Variants in QRFPR observed in about 807,000 individuals in gnomAD.
The protein encoded by QRFPR is pyroglutamylated RF-amide peptide receptor.
In QRFPR, 37 loss-of-function variants were observed where a neutral mutation model predicts 31.3. That is an observed-to-expected ratio of 1.18 (90% CI 0.91 to 1.56). QRFPR has a LOEUF of 1.56. Among genes scored for constraint, QRFPR ranks in the 40% most tolerant of loss-of-function variants. The pLI, the probability that QRFPR is intolerant of heterozygous loss-of-function variation, is 0.00. For missense variants in QRFPR, 542 were observed against 532.5 expected (o/e 1.02, Z -0.18); for synonymous variants, 197 against 192.0 (o/e 1.03, Z -0.22).
intron 1 of QRFPR, among the ~76,000 whole-genome samples, chr4:121,377,284 G>A (rs1345129400): frequency 1.3e-5 from 2 of 152,180 alleles, no homozygotes; most frequent in African/African-American, 4.8e-5. Context: ...CTTTAGAGGA[G>A]ACAGTCTTCC....
At chr4:121,344,400 G>T (rs190587209) in intron 1 of QRFPR, among the ~76,000 whole-genome samples, 203 of 152,254 alleles carry the variant, frequency 1.3e-3, no homozygotes, top group South Asian at 2.5e-3. Flanking sequence ...CCAAGCTATA[G>T]TATAATCTGT....
intron 1 of QRFPR, among the ~76,000 whole-genome samples, chr4:121,345,030 C>T (rs1290149269): frequency 6.6e-6 from 1 of 152,082 alleles, no homozygotes; most frequent in African/African-American, 2.4e-5. Context: ...TTCTTAAAGT[C>T]GGCCTGGAAT....
chr4:121,359,155 C>G (rs1030062567), intron 1 of QRFPR, among the ~76,000 whole-genome samples: 2 of 152,030 alleles, frequency 1.3e-5, no homozygotes, highest in African/African-American at 4.8e-5. Flanking sequence ...TTGGAAGCAC[C>G]AATATGACCT....
At position 121,380,809 on chromosome 4, in the gene QRFPR, G is replaced by A; in HGVS notation, c.-162C>T. 1.6e-6 allele frequency: 1 copy of A among 623,794 alleles called. No homozygotes were observed. The highest frequency in any genetic ancestry group is 2.7e-6 in the Non-Finnish European group (1 of 365,254). 38.6% of individuals were successfully genotyped at this position (623,794 alleles called of 1,614,324 possible). ...CTCTAGGCTGCACCCCGGGAGGTTC[G>A]GGAAAGGAGAGCAGCTCAGGGATCA... On this transcript the variant is annotated 5_prime_UTR_variant, in exon 1 of 6. Coordinates refer to ENST00000394427, the MANE Select transcript of QRFPR (RefSeq NM_198179.3).
chr4:121,331,160 T>C (rs538981839), intron 4 of QRFPR, among the ~76,000 whole-genome samples: 1 of 144,514 alleles, frequency 6.9e-6, no homozygotes, highest in South Asian at 2.2e-4. Flanking sequence ...TGGATATCTA[T>C]ACGATATATC....
rs762337039 is a variant in QRFPR at position 121,329,758 on chromosome 4, G to A, written c.896-44C>T. On this transcript the variant is annotated intron_variant, in intron 5 of 5. Transcript: ENST00000394427. ...TTAGAATGTACGTTTATTTTAAGGA[G>A]TATAAAATAAAACTTCTGTTTGTCA... 5.4e-6 allele frequency: 7 copies of A among 1,299,334 alleles called. No homozygotes were observed. In the Admixed American group the frequency reaches 1.1e-4, roughly 21 times the overall value. The allele number at this position is 1,299,334 out of a possible 1,614,324, so 80.5% of individuals were successfully genotyped here.
chr4:121,369,807 G>C, intron 1 of QRFPR: 1 of 1,396,658 alleles, frequency 7.2e-7, no homozygotes, highest in Non-Finnish European at 1.0e-6. Flanking sequence ...GGTGAAAAGT[G>C]AGAAGTGGTG....
intron 3 of QRFPR, among the ~76,000 whole-genome samples, chr4:121,335,473 C>T (rs996422234): frequency 2.0e-5 from 3 of 150,752 alleles, no homozygotes; most frequent in African/African-American, 7.3e-5. Flanking sequence ...ACAGGCAATA[C>T]TGTCACACCT....
intron 2 of QRFPR, among the ~76,000 whole-genome samples, chr4:121,337,189 T>C (rs770757916): frequency 2.6e-5 from 4 of 152,218 alleles, no homozygotes; most frequent in Admixed American, 1.3e-4. Context: ...GTCCATGCTC[T>C]TCACACCGCA....
chr4:121,371,700 C>T (rs1017113047), intron 1 of QRFPR, among the ~76,000 whole-genome samples: 4 of 152,190 alleles, frequency 2.6e-5, no homozygotes, highest in Admixed American at 6.5e-5. Flanking sequence ...AGTTGACTCA[C>T]TCCACTAGAC....
At chr4:121,353,730 G>C (rs1725809541) in intron 1 of QRFPR, among the ~76,000 whole-genome samples, 1 of 151,930 alleles carries the variant, frequency 6.6e-6, no homozygotes, top group Non-Finnish European at 1.5e-5. Context: ...GATCCCATTT[G>C]TCCATTCTTG....
intron 1 of QRFPR, among the ~76,000 whole-genome samples, chr4:121,346,744 G>A (rs1725658176): frequency 1.3e-5 from 2 of 152,118 alleles, no homozygotes; most frequent in Non-Finnish European, 2.9e-5. Context: ...TGTCATGGAT[G>A]GGTGTTGAAA....
In QRFPR at chr4:121,380,335, G is replaced by A. The variant is rs1309020763; in HGVS notation, c.313C>T (p.Gln105Ter). The change falls in exon 1 of 6, where the codon CAG (glutamine) becomes TAG (stop). Residue 105 changes from glutamine (Q) to a stop codon, truncating the protein, a stop_gained. Coordinates refer to ENST00000394427, the MANE Select transcript of QRFPR (RefSeq NM_198179.3). LOFTEE classifies it high-confidence loss of function. ...CCCAGCCAGTTGTCGGAAATGTTCT[G>A]GAGCATGGTGACGGGAATGCAGAAG... ...TFFCIPVTML[Q>*]NISDNWLGGA... 6.2e-7 allele frequency: 1 copy of A among 1,613,852 alleles called. No homozygotes were observed. Among genetic ancestry groups the A allele is most frequent in the African/African-American group, 1.3e-5 (1 of 74,916 alleles).
chr4:121,343,662 TTC>T (rs1320327857), intron 1 of QRFPR, among the ~76,000 whole-genome samples: 3 of 152,184 alleles, frequency 2.0e-5, no homozygotes, highest in African/African-American at 7.2e-5. Flanking sequence ...TAGGTTTTTT[TTC>T]TCTTTTCTTG....
At chr4:121,353,524 A>C (rs1427084291) in intron 1 of QRFPR, among the ~76,000 whole-genome samples, 1 of 152,072 alleles carries the variant, frequency 6.6e-6, no homozygotes, top group African/African-American at 2.4e-5. Flanking sequence ...TTCTTTTGAG[A>C]AATATCTATT....
In QRFPR at chr4:121,370,365, T is replaced by A. The variant is rs552788560; in HGVS notation, c.340+9943A>T. 9.6e-4 allele frequency: 718 copies of A among 745,558 alleles called. 10 individuals are homozygous for A. The highest frequency in any genetic ancestry group is 9.5e-3 in the South Asian group (702 of 74,010). The allele number at this position is 745,558 out of a possible 1,614,324, so 46.2% of individuals were successfully genotyped here. A position where few individuals can be genotyped will look rare whatever the true frequency, so the allele number is the denominator to read the frequency against. On this transcript the variant is annotated intron_variant, in intron 1 of 5. Transcript: ENST00000394427. ...AGCCATTGAAAGGCTGAGATCCAGG[T>A]GTTTTTTCTATATAGAATCCCTGCC...
At chr4:121,344,804 C>G (rs139770681) in intron 1 of QRFPR, among the ~76,000 whole-genome samples, 2 of 152,158 alleles carry the variant, frequency 1.3e-5, no homozygotes, top group East Asian at 3.8e-4. Context: ...TCTCTGTTAG[C>G]TCTTCAGTCA....
chr4:121,340,265 T>C (rs1489430864), intron 2 of QRFPR, 187 bp downstream of exon 2: 2 of 613,668 alleles, frequency 3.3e-6, no homozygotes, highest in African/African-American at 1.8e-5. Context: ...TTTTCAGTTT[T>C]GAGGTCAGCC....
Position 121,331,311 on chromosome 4 carries a change from G to A in QRFPR, c.798-788C>T, listed in dbSNP as rs938413273. Among the ~76,000 whole-genome samples, 45 of 147,886 alleles carry A rather than the reference G, an allele frequency of 3.0e-4. 1 individual carries two copies. Among genetic ancestry groups the A allele is most frequent in the African/African-American group, 9.6e-4 (38 of 39,784 alleles). On this transcript the variant is annotated intron_variant, in intron 4 of 5. Coordinates refer to ENST00000394427, the MANE Select transcript of QRFPR (RefSeq NM_198179.3). ...GTGATCCTCCCACCTCAGCCTCCAC[G>A]TAGCTGGGACCACAGGTGCATGCCA...
Sources: gnomAD v4.1 joint callset for allele counts (sites outside exome capture counted in the v4.1 genomes callset) on GRCh38, gnomAD v4.1.1 for gene constraint, MANE v1.5 for transcripts, NCBI Gene and HGNC (gene_info 2026-07-23, HGNC 2026-07-21) for gene names.